Variants in COLEC11 observed in about 807,000 individuals in gnomAD.
The protein encoded by COLEC11 is collectin-11.
In COLEC11, 20 loss-of-function variants were observed where a neutral mutation model predicts 27.3. The observed-to-expected ratio is 0.73, with a 90% CI of 0.51 to 1.06. The LOEUF (loss-of-function observed/expected upper bound fraction) is 1.06. Ranked by LOEUF, COLEC11 falls within the 50% of genes least tolerant of loss-of-function variation. The pLI, the probability that COLEC11 is intolerant of heterozygous loss-of-function variation, is 0.00. For synonymous variants in COLEC11, 163 were observed against 154.7 expected, an observed-to-expected ratio of 1.05 and a Z score of -0.40; for missense variants, 310 against 383.0, an observed-to-expected ratio of 0.81 and a Z score of 1.59.
chr2:3,606,557 C>T (rs771937526), intron 2 of COLEC11, among the ~76,000 whole-genome samples: 1 of 152,146 alleles, frequency 6.6e-6, no homozygotes, highest in Non-Finnish European at 1.5e-5. Context: ...AGTGGTGGCA[C>T]CAGGAGTGGG....
chr2:3,617,610 C>A, intron 3 of COLEC11: 1 of 1,612,204 alleles, frequency 6.2e-7, no homozygotes, highest in South Asian at 1.1e-5. Context: ...GGATTTTTCT[C>A]TTGAGTCTCT....
chr2:3,626,820 T>C (rs2147924830), intron 3 of COLEC11, among the ~76,000 whole-genome samples: 1 of 152,272 alleles, frequency 6.6e-6, no homozygotes, highest in South Asian at 2.1e-4. Context: ...CTGGGATGAA[T>C]CTCCTCCCTG....
chr2:3,610,134 C>T (rs1328542717), intron 2 of COLEC11, among the ~76,000 whole-genome samples: 1 of 152,206 alleles, frequency 6.6e-6, no homozygotes, highest in Non-Finnish European at 1.5e-5. Context: ...GAAGCCTGAG[C>T]AAGGTGTGGT....
intron 3 of COLEC11, among the ~76,000 whole-genome samples, chr2:3,632,303 ACTC>A (rs1367197266): frequency 6.6e-6 from 1 of 151,866 alleles, no homozygotes; most frequent in Non-Finnish European, 1.5e-5. Context: ...GACTCTCTGA[ACTC>A]CTCTTCTGGA....
At chr2:3,618,639 G>A (rs1445780737) in intron 3 of COLEC11, among the ~76,000 whole-genome samples, 1 of 152,068 alleles carries the variant, frequency 6.6e-6, no homozygotes, top group Non-Finnish European at 1.5e-5. Context: ...TGTTTTTCTT[G>A]CTTAAGGCTG....
chr2:3,626,068 T>C (rs1664532445), intron 3 of COLEC11: 1 of 1,614,012 alleles, frequency 6.2e-7, no homozygotes, highest in African/African-American at 1.3e-5. Context: ...GTGCACCTCG[T>C]CCTTTGTAGA....
chr2:3,603,153 C>T (rs918351895), intron 1 of COLEC11, among the ~76,000 whole-genome samples: 8 of 152,132 alleles, frequency 5.3e-5, no homozygotes, highest in Non-Finnish European at 2.9e-5. Context: ...AGTCCCAGCT[C>T]GCCACGGCTC....
At position 3,644,193 on chromosome 2, in the gene COLEC11, G is replaced by A; in HGVS notation, c.*75G>A. ...TGGCAGGGACAGAGCCCAGACCATG[G>A]TGCCAGCCAGGGAGCTGTCCCTCTG... On this transcript the variant is annotated 3_prime_UTR_variant, in exon 7 of 7. Coordinates refer to ENST00000349077, the MANE Select transcript of COLEC11 (RefSeq NM_024027.5). The A allele has an allele frequency of 6.3e-7, 1 of 1,577,032 alleles. No individual in the cohort carries two copies. The highest frequency in any genetic ancestry group is 8.6e-7 in the Non-Finnish European group (1 of 1,161,176).
chr2:3,643,901 G>A lies in COLEC11; in HGVS notation c.599G>A (p.Arg200His). ...AAYLAQAGLARVFIGINDLEK... is the reference protein window; with the variant it reads ...AAYLAQAGLAHVFIGINDLEK... The stretch of plus-strand genomic sequence containing the variant: ...TACCTGGCGCAAGCCGGCCTGGCCC[G>A]TGTCTTCATCGGCATCAACGACCTG... The change falls in exon 7 of 7, where the codon CGT (arginine) becomes CAT (histidine). Residue 200 changes from arginine (R) to histidine (H), a missense_variant. Coordinates refer to ENST00000349077, the MANE Select transcript of COLEC11 (RefSeq NM_024027.5). The A allele has an allele frequency of 6.8e-6, 11 of 1,614,036 alleles. No individual in the cohort carries two copies. Among genetic ancestry groups the A allele is most frequent in the Non-Finnish European group, 9.3e-6 (11 of 1,180,050 alleles).
intron 2 of COLEC11, among the ~76,000 whole-genome samples, chr2:3,608,736 G>A (rs1373328058): frequency 6.6e-6 from 1 of 152,218 alleles, no homozygotes; most frequent in East Asian, 1.9e-4. Context: ...AACAGCCTTG[G>A]TTCTTAAGAT....
At chr2:3,617,807 C>T (rs1401623645) in intron 3 of COLEC11, 4 of 751,248 alleles carry the variant, frequency 5.3e-6, no homozygotes, top group Non-Finnish European at 7.0e-6. Context: ...CCATTCCCAC[C>T]AGCAATGTCT....
intron 3 of COLEC11, among the ~76,000 whole-genome samples, chr2:3,621,737 T>C (rs1664201250): frequency 6.6e-6 from 1 of 152,232 alleles, no homozygotes; most frequent in African/African-American, 2.4e-5. Context: ...CCACAAGGCT[T>C]ATATAAAACA....
intron 1 of COLEC11, chr2:3,603,649 A>C: frequency 1.3e-6 from 2 of 1,551,022 alleles, no homozygotes; most frequent in African/African-American, 1.4e-5. Context: ...CTTCACGATG[A>C]AGAAACAAAG....
At chr2:3,619,457 T>G (rs974411474) in intron 3 of COLEC11, among the ~76,000 whole-genome samples, 1 of 152,208 alleles carries the variant, frequency 6.6e-6, no homozygotes, top group Non-Finnish European at 1.5e-5. Flanking sequence ...TATATGTGCT[T>G]TCTTGAGAGC....
At chr2:3,639,639 A>G (rs1665699013) in intron 4 of COLEC11, among the ~76,000 whole-genome samples, 2 of 152,258 alleles carry the variant, frequency 1.3e-5, no homozygotes, top group Non-Finnish European at 2.9e-5. Context: ...GAGCAGCTAG[A>G]AAGCCCTGTT....
intron 3 of COLEC11, among the ~76,000 whole-genome samples, chr2:3,619,747 G>A (rs1023047510): frequency 4.6e-5 from 7 of 152,130 alleles, no homozygotes; most frequent in South Asian, 2.1e-4. Flanking sequence ...TGCCTCAGCC[G>A]CCCAAGTAGC....
chr2:3,639,030 C>G (rs1270582543), intron 4 of COLEC11, among the ~76,000 whole-genome samples: 1 of 152,194 alleles, frequency 6.6e-6, no homozygotes, highest in East Asian at 1.9e-4. Context: ...TTTGCCTATT[C>G]TAGATATTTC....
intron 1 of COLEC11, 151 bp from the exon 2 acceptor site, chr2:3,604,164 C>G: frequency 1.3e-6 from 1 of 787,766 alleles, no homozygotes; most frequent in Non-Finnish European, 2.1e-6. Context: ...ATGATTGGTG[C>G]TTGAGTGAGT....
At chr2:3,641,985 G>A (rs990238753) in intron 5 of COLEC11, among the ~76,000 whole-genome samples, 3 of 152,244 alleles carry the variant, frequency 2.0e-5, no homozygotes, top group East Asian at 1.9e-4. Context: ...CGGCACCACG[G>A]AGGCGATGAC....
Sources: gnomAD v4.1 joint callset for allele counts (sites outside exome capture counted in the v4.1 genomes callset) on GRCh38, gnomAD v4.1.1 for gene constraint, MANE v1.5 for transcripts, NCBI Gene and HGNC (gene_info 2026-07-23, HGNC 2026-07-21) for gene names.